KCNU1: variants seen among roughly 807,000 people sequenced by gnomAD.
The protein encoded by KCNU1 is potassium calcium-activated channel subfamily U member 1.
KCNU1 carries 93 observed loss-of-function variants against 126.8 expected under a neutral mutation model. That is an observed-to-expected ratio of 0.73 (90% CI 0.62 to 0.87). The LOEUF (loss-of-function observed/expected upper bound fraction) is 0.87. Among genes scored for constraint, KCNU1 ranks in the 40% least tolerant of loss-of-function variants. The probability of loss-of-function intolerance (pLI) is 0.00; values close to 1 mark genes in which losing one functional copy is unlikely to be tolerated. For missense variants in KCNU1, 1,330 were observed against 1,367.1 expected, an observed-to-expected ratio of 0.97 and a Z score of 0.43; for synonymous variants, 523 against 494.2, an observed-to-expected ratio of 1.06 and a Z score of -0.77.
At chr8:36,886,295 C>CTTA (rs1201539985) in intron 19 of KCNU1, among the ~76,000 whole-genome samples, 1 of 152,158 alleles carries the variant, frequency 6.6e-6, no homozygotes, top group Non-Finnish European at 1.5e-5. Flanking sequence ...TACCTCAGTT[C>CTTA]TTATTATCCA....
chr8:36,919,995 G>A (rs1317999110), intron 23 of KCNU1, among the ~76,000 whole-genome samples: 1 of 152,194 alleles, frequency 6.6e-6, no homozygotes, highest in Non-Finnish European at 1.5e-5. Context: ...AGCAGAGGCT[G>A]TTGAAGTTCA....
intron 24 of KCNU1, among the ~76,000 whole-genome samples, chr8:36,927,315 T>C (rs1301954769): frequency 6.6e-6 from 1 of 152,110 alleles, no homozygotes; most frequent in Non-Finnish European, 1.5e-5. Flanking sequence ...TACCCTAAAC[T>C]CCTGACCCAG....
intron 9 of KCNU1, among the ~76,000 whole-genome samples, chr8:36,816,328 T>A (rs1803910307): frequency 6.6e-6 from 1 of 151,976 alleles, no homozygotes; most frequent in Non-Finnish European, 1.5e-5. Flanking sequence ...TCCATTAGGT[T>A]TTTTTTTCCC....
At chr8:36,855,729 C>T (rs542361321) in intron 18 of KCNU1, among the ~76,000 whole-genome samples, 44 of 151,950 alleles carry the variant, frequency 2.9e-4, no homozygotes, top group Middle Eastern at 3.4e-3. Context: ...TATGGAGGGG[C>T]GGCCTATCTC....
At chr8:36,806,004 C>A (rs1803488331) in intron 4 of KCNU1, among the ~76,000 whole-genome samples, 1 of 152,056 alleles carries the variant, frequency 6.6e-6, no homozygotes, top group Non-Finnish European at 1.5e-5. Context: ...CAACCACGTG[C>A]AGCTAATCTT....
chr8:36,907,789 G>A (rs1807689894), intron 20 of KCNU1, among the ~76,000 whole-genome samples: 1 of 152,146 alleles, frequency 6.6e-6, no homozygotes, highest in East Asian at 1.9e-4. Context: ...CTGAGTCTTT[G>A]TGTGTCTAGG....
At chr8:36,924,621 G>A (rs1337805357) in intron 24 of KCNU1, among the ~76,000 whole-genome samples, 2 of 152,170 alleles carry the variant, frequency 1.3e-5, no homozygotes, top group Non-Finnish European at 2.9e-5. Flanking sequence ...AGGTACTAGA[G>A]GAAGTCAAGT....
chr8:36,853,042 CT>C (rs1265200476), intron 18 of KCNU1, among the ~76,000 whole-genome samples: 1 of 152,046 alleles, frequency 6.6e-6, no homozygotes, highest in Admixed American at 6.6e-5. Flanking sequence ...TTTCTCCTTT[CT>C]TTAAAAAAGG....
chr8:36,935,818 A>G lies in KCNU1; in HGVS notation c.3348A>G (p.Ile1116Met), dbSNP rs1328710952. 6.2e-7 allele frequency: 1 copy of G among 1,612,844 alleles called. No homozygotes were observed. Among genetic ancestry groups the G allele is most frequent in the Non-Finnish European group, 8.5e-7 (1 of 1,179,066 alleles). ...ATCAGAGTAGAACAAACAGTATTATATCATCTCAGATACCTTTAGGTGACA... is the reference window on the plus strand; with the variant it reads ...ATCAGAGTAGAACAAACAGTATTATGTCATCTCAGATACCTTTAGGTGACA... ...AWNQSRTNSI[I>M]SSQIPLGDNA... The change falls in exon 27 of 27, where the codon ATA (isoleucine) becomes ATG (methionine). Residue 1116 changes from isoleucine to methionine, a missense_variant. Around this residue, in one of 3 missense-constraint regions of KCNU1, gnomAD observed 1,054 missense variants for 1,053.9 expected, o/e 1.00. Coordinates refer to ENST00000399881, the MANE Select transcript of KCNU1 (RefSeq NM_001031836.3).
chr8:36,796,729 T>TTGC, intron 2 of KCNU1, among the ~76,000 whole-genome samples: 1 of 152,336 alleles, frequency 6.6e-6, no homozygotes, highest in African/African-American at 2.4e-5. Context: ...TAGGATATCT[T>TTGC]TGCCCAGCTC....
At chr8:36,875,213 A>G (rs1180966042) in intron 19 of KCNU1, among the ~76,000 whole-genome samples, 1 of 151,842 alleles carries the variant, frequency 6.6e-6, no homozygotes, top group Non-Finnish European at 1.5e-5. Context: ...GATAGTGCAT[A>G]TATTGCAGAT....
chr8:36,932,247 GTA>G (rs1808724639), intron 25 of KCNU1, among the ~76,000 whole-genome samples: 1 of 152,226 alleles, frequency 6.6e-6, no homozygotes, highest in East Asian at 1.9e-4. Flanking sequence ...ACTTGTAAGT[GTA>G]TATAAGCCCA....
chr8:36,851,389 C>A (rs545306283), intron 18 of KCNU1, among the ~76,000 whole-genome samples: 2 of 147,428 alleles, frequency 1.4e-5, no homozygotes, highest in African/African-American at 4.9e-5. Context: ...CTCTCTCTAT[C>A]TCTCTCTCTC....
intron 26 of KCNU1, among the ~76,000 whole-genome samples, chr8:36,934,413 C>G (rs890731487): frequency 2.0e-5 from 3 of 151,994 alleles, no homozygotes; most frequent in African/African-American, 7.2e-5. Context: ...TACCCACCAC[C>G]AAGACAATGG....
intron 18 of KCNU1, among the ~76,000 whole-genome samples, chr8:36,848,265 G>T (rs1264790377): frequency 6.6e-6 from 1 of 152,128 alleles, no homozygotes; most frequent in African/African-American, 2.4e-5. Flanking sequence ...TCTGTTGATT[G>T]TTTTCTTTGC....
chr8:36,894,519 T>C (rs894060425), intron 19 of KCNU1, among the ~76,000 whole-genome samples: 2 of 152,140 alleles, frequency 1.3e-5, no homozygotes, highest in African/African-American at 2.4e-5. Flanking sequence ...GCTGGAAGAA[T>C]TGAAGACATC....
intron 19 of KCNU1, among the ~76,000 whole-genome samples, chr8:36,902,411 T>G (rs1807454796): frequency 6.6e-6 from 1 of 152,014 alleles, no homozygotes; most frequent in African/African-American, 2.4e-5. Context: ...TCATTTATCA[T>G]GAGGGTGGAG....
At chr8:36,918,315 G>C (rs868300349) in intron 22 of KCNU1, among the ~76,000 whole-genome samples, 22 of 152,122 alleles carry the variant, frequency 1.4e-4, no homozygotes, top group African/African-American at 4.8e-4. Flanking sequence ...GCAAAGAAAG[G>C]AGGATTACTT....
chr8:36,912,284 G>C (rs1026633000), intron 22 of KCNU1, among the ~76,000 whole-genome samples: 1 of 152,224 alleles, frequency 6.6e-6, no homozygotes, highest in African/African-American at 2.4e-5. Flanking sequence ...CTGTTGCTAT[G>C]CAAGAAAATA....
Sources: gnomAD v4.1 joint callset for allele counts (sites outside exome capture counted in the v4.1 genomes callset) on GRCh38, gnomAD v4.1.1 for gene constraint, gnomAD v4.1.1 regional missense constraint, MANE v1.5 for transcripts, NCBI Gene and HGNC (gene_info 2026-07-23, HGNC 2026-07-21) for gene names.